NEB: variants seen among roughly 807,000 people sequenced by gnomAD.
NEB encodes the protein nebulin, also known as nemaline myopathy type 2.
A neutral mutation model predicts 952.2 loss-of-function variants in NEB; 512 were observed. The observed-to-expected ratio is 0.54, with a 90% CI of 0.50 to 0.58. The LOEUF is 0.58. Among genes scored for constraint, NEB ranks in the 20% least tolerant of loss-of-function variants. NEB has a pLI of 0.00. For synonymous variants in NEB, 2,900 were observed against 3,149.8 expected (o/e 0.92, Z 2.66); for missense variants, 8,428 against 9,231.1 (o/e 0.91, Z 3.56).
chr2:151,637,913 C>T (rs1159557713), intron 63 of NEB, among the ~76,000 whole-genome samples: 4 of 152,154 alleles, frequency 2.6e-5, no homozygotes, highest in Admixed American at 6.6e-5. Context: ...GTGGCAATTC[C>T]ATCTAAATTC....
intron 178 of NEB, 131 bp from the exon 179 acceptor site, chr2:151,491,906 C>T: frequency 1.0e-6 from 1 of 982,826 alleles, no homozygotes; most frequent in South Asian, 1.7e-5. Flanking sequence ...TGGGTCATGT[C>T]TTTTCCTCAG....
rs183577481 is a variant in NEB at position 151,642,233 on chromosome 2, G to A, written c.8373+341C>T. On this transcript the variant is annotated intron_variant, in intron 60 of 181. Coordinates refer to ENST00000397345, the MANE Select transcript of NEB (RefSeq NM_001164508.2). ...AGATTCATTGGTTCATACAGCATAG[G>A]TTGGGTTTTGAAGGAACCCTACAAT... Among the ~76,000 whole-genome samples, 20 of 152,306 alleles carry A rather than the reference G, an allele frequency of 1.3e-4. No homozygotes were observed. In the East Asian group the frequency reaches 3.9e-3, roughly 29 times the overall value.
chr2:151,724,872 C>T lies in NEB; in HGVS notation c.492G>A (p.Ser164=), dbSNP rs371015050. 164 of 1,613,296 alleles carry T rather than the reference C, an allele frequency of 1.0e-4. 3 individuals are homozygous for T. The South Asian group carries it at 1.6e-3, about 16-fold the overall frequency. ...ATTGCCTTACCTTACTGACTTGCTG[C>T]GACACTTTCTTTGCATGTTCAATAT... ...AKDIEHAKKV[S]QQVSKVLYKQ... The change falls in exon 7 of 182, where the codon TCG becomes TCA. Residue 164 remains serine (S), a synonymous_variant. Coordinates refer to ENST00000397345, the MANE Select transcript of NEB (RefSeq NM_001164508.2).
At chr2:151,698,965 C>T (rs1373690367) in intron 13 of NEB, among the ~76,000 whole-genome samples, 1 of 142,828 alleles carries the variant, frequency 7.0e-6, no homozygotes, top group Non-Finnish European at 1.5e-5. Flanking sequence ...GTGCGCTGCA[C>T]CCACTAACTC....
chr2:151,640,791 G>A, intron 60 of NEB, 125 bp from the exon 61 acceptor site: 1 of 844,284 alleles, frequency 1.2e-6, no homozygotes, highest in East Asian at 2.7e-5. Flanking sequence ...TATGATAGAT[G>A]TAGAAACAAT....
Position 151,678,136 on chromosome 2 carries a change from G to A in NEB, c.3307C>T (p.Gln1103Ter), listed in dbSNP as rs2099386468. The A allele has an allele frequency of 6.2e-7, 1 of 1,613,168 alleles. No homozygotes were observed. The highest frequency in any genetic ancestry group is 2.2e-5 in the East Asian group (1 of 44,874). ...AGTTTAGGGTCATCTTGAAGACTTT[G>A]GAAGCCAACCATTTTCCCTTTAGCC... is the stretch of plus-strand genomic sequence containing the variant. ...EKAKGKMVGF[Q>*]SLQDDPKLVH... The change falls in exon 33 of 182, where the codon CAA becomes TAA. Residue 1103 changes from glutamine to a stop codon, truncating the protein, a stop_gained. Transcript: ENST00000397345. LOFTEE classifies it high-confidence loss of function.
chr2:151,577,648 G>A (rs561514158), intron 105 of NEB, among the ~76,000 whole-genome samples: 206 of 152,130 alleles, frequency 1.4e-3, no homozygotes, highest in African/African-American at 4.3e-3. Flanking sequence ...TGGCAATCTC[G>A]GCTCACTGCA....
intron 141 of NEB, 63 bp from the exon 142 acceptor site, chr2:151,535,858 C>T (rs1480701561): frequency 8.3e-6 from 7 of 844,680 alleles, no homozygotes; most frequent in Non-Finnish European, 1.9e-6. Context: ...ATGAGACATG[C>T]TGTTTATCAT....
chr2:151,547,443 C>T lies in NEB; in HGVS notation c.20353G>A (p.Asp6785Asn). The T allele has an allele frequency of 6.2e-7, 1 of 1,600,284 alleles. No individual in the cohort carries two copies. Among genetic ancestry groups the T allele is most frequent in the South Asian group, 1.1e-5 (1 of 88,138 alleles). The change falls in exon 133 of 182, where the codon GAC (aspartate) becomes AAC (asparagine). Residue 6785 changes from aspartate (D) to asparagine (N), a missense_variant. Physicochemically the swap from Asp to Asn is conservative, Grantham distance 23 (BLOSUM62 1). This residue lies in a region of NEB where 3,374 missense variants were observed against 3,651.5 expected (regional missense o/e 0.92). Transcript: ENST00000397345. Reference protein sequence around the residue: ...PQVIHCRYVGDITSDIKYKED... With the variant: ...PQVIHCRYVGNITSDIKYKED... Reference sequence around the variant, plus strand: ...GAGATGCTTACATCACTGGTGATGTCTCCCACATAGCGGCAATGGATCACT... The same window carrying T: ...GAGATGCTTACATCACTGGTGATGTTTCCCACATAGCGGCAATGGATCACT...
chr2:151,627,377 A>G, intron 69 of NEB, 146 bp downstream of exon 69: 1 of 1,421,522 alleles, frequency 7.0e-7, no homozygotes, highest in Non-Finnish European at 9.5e-7. Context: ...CTCTCCAAAA[A>G]AAGTAAGGGG....
At chr2:151,666,017 G>A (rs2099212463) in intron 41 of NEB, 73 bp downstream of exon 41, 2 of 1,436,662 alleles carry the variant, frequency 1.4e-6, no homozygotes, top group South Asian at 1.3e-5. Flanking sequence ...CCAGGTGTGG[G>A]ATGGAGTAAG....
intron 27 of NEB, among the ~76,000 whole-genome samples, chr2:151,686,328 G>A (rs878998363): frequency 1.3e-5 from 2 of 152,156 alleles, no homozygotes; most frequent in Admixed American, 1.3e-4. Flanking sequence ...CATTTGCTAT[G>A]TGTTTTGGTC....
At position 151,570,277 on chromosome 2, in the gene NEB, C is replaced by G; in HGVS notation, c.17234G>C (p.Arg5745Pro). The G allele has an allele frequency of 6.2e-7, 1 of 1,613,718 alleles. No homozygotes were observed. Among genetic ancestry groups the G allele is most frequent in the Non-Finnish European group, 8.5e-7 (1 of 1,179,760 alleles). Residue 5745 changes from arginine (R) to proline (P), a missense_variant, in exon 109 of 182, where the codon CGA becomes CCA. Arg to Pro is a moderately radical substitution (Grantham distance 103). This residue lies in a region of NEB where 3,374 missense variants were observed against 3,651.5 expected (regional missense o/e 0.92). Transcript: ENST00000397345. ...ALIADKLQNE[R>P]EYRLDWAKWK... ...TTTGGCCCAGTCCAGCCGGTACTCT[C>G]GTTCATTCTGGAGCTTGTCAGCTAT...
In NEB at chr2:151,639,054, T is replaced by C. The variant is rs999638808; in HGVS notation, c.8994+226A>G. 3.9e-5 allele frequency among the ~76,000 whole-genome samples: 6 copies of C among 152,212 alleles called. No individual in the cohort carries two copies. The East Asian group carries it at 9.6e-4, about 24-fold the overall frequency. ...AAAGAAAATGGTCTACATAATCTCA[T>C]GGTTACAGCTTAAATAATTAGTTCA... On this transcript the variant is annotated intron_variant, in intron 63 of 181. Transcript: ENST00000397345.
At chr2:151,648,765 T>A (rs1405153288) in intron 54 of NEB, among the ~76,000 whole-genome samples, 1 of 152,246 alleles carries the variant, frequency 6.6e-6, no homozygotes, top group East Asian at 1.9e-4. Context: ...AAATTGCTTC[T>A]GGTTGAAAGT....
rs1330949088 is a variant in NEB at position 151,565,074 on chromosome 2, G to C, written c.18441C>G (p.His6147Gln). 1 of 1,594,552 alleles carries C rather than the reference G, an allele frequency of 6.3e-7. No individual in the cohort carries two copies. The highest frequency in any genetic ancestry group is 1.1e-5 in the South Asian group (1 of 89,494). The change falls in exon 117 of 182, where the codon CAC becomes CAG. Residue 6147 changes from histidine (H) to glutamine (Q), a missense_variant. Around this residue, in one of 11 missense-constraint regions of NEB, gnomAD observed 3,374 missense variants for 3,651.5 expected, o/e 0.92. Transcript: ENST00000397345. ...TFSPDTPHISHSKDMGKLYST... is the reference protein window; with the variant it reads ...TFSPDTPHISQSKDMGKLYST... ...TGTAGAGTTTTCCCATGTCTTTGGA[G>C]TGGGAGATATGTGGTGTATCTGGTG... is the stretch of plus-strand genomic sequence containing the variant.
intron 68 of NEB, 60 bp from the exon 69 acceptor site, chr2:151,627,894 T>C (rs1357919292): frequency 3.2e-6 from 5 of 1,540,768 alleles, no homozygotes; most frequent in Non-Finnish European, 4.4e-6. Context: ...GAAGCCTCAT[T>C]AATTTAAAAC....
chr2:151,609,120 A>C (rs2097824079), intron 81 of NEB, among the ~76,000 whole-genome samples: 1 of 151,388 alleles, frequency 6.6e-6, no homozygotes, highest in Non-Finnish European at 1.5e-5. Flanking sequence ...AACATTTAAA[A>C]AAATTTTTTT....
Position 151,677,767 on chromosome 2 carries a change from A to G in NEB, c.3572T>C (p.Val1191Ala). Residue 1191 changes from valine (V) to alanine (A), a missense_variant, in exon 34 of 182, where the codon GTC (valine) becomes GCC (alanine). Physicochemically the swap from Val to Ala is moderately conservative, Grantham distance 64. Coordinates refer to ENST00000397345, the MANE Select transcript of NEB (RefSeq NM_001164508.2). The stretch of plus-strand genomic sequence containing the variant: ...CCAGTTGTTGTAGTCTTCCTTGTAG[A>G]CGTTCTACAGCAATGGAGAAAAGAG... ...KNMMQIQSDN[V>A]YKEDYNNWMK... The G allele has an allele frequency of 1.2e-6, 2 of 1,613,994 alleles. No individual in the cohort carries two copies. The highest frequency in any genetic ancestry group is 1.7e-6 in the Non-Finnish European group (2 of 1,179,876).
Sources: gnomAD v4.1 joint callset for allele counts (sites outside exome capture counted in the v4.1 genomes callset) on GRCh38, gnomAD v4.1.1 for gene constraint, gnomAD v4.1.1 regional missense constraint, MANE v1.5 for transcripts, NCBI Gene and HGNC (gene_info 2026-07-23, HGNC 2026-07-21) for gene names.